The following MGAT4A variants were observed in gnomAD, a reference collection of about 807,000 sequenced individuals.
MGAT4A encodes the protein N-acetylglucosaminyltransferase IVa.
MGAT4A carries 33 observed loss-of-function variants against 74.1 expected under a neutral mutation model. The ratio of observed to expected loss-of-function variants is 0.45; its 90% CI spans 0.34 to 0.60. The LOEUF (loss-of-function observed/expected upper bound fraction) is 0.60. MGAT4A is among the 20% of genes least tolerant of loss of function. MGAT4A has a pLI of 0.02. For missense variants in MGAT4A, 479 were observed against 628.3 expected, an observed-to-expected ratio of 0.76 and a Z score of 2.54; for synonymous variants, 198 against 210.4, an observed-to-expected ratio of 0.94 and a Z score of 0.51.
intron 2 of MGAT4A, among the ~76,000 whole-genome samples, chr2:98,706,223 C>T (rs1030341912): frequency 6.6e-6 from 1 of 151,976 alleles, no homozygotes; most frequent in African/African-American, 2.4e-5. Flanking sequence ...TAGACAATAG[C>T]CAGTTTGGAT....
Position 98,621,564 on chromosome 2 carries a change from A to C in MGAT4A, c.*4002T>G. On this transcript the variant is annotated 3_prime_UTR_variant, in exon 16 of 16. Coordinates refer to ENST00000393487, the MANE Select transcript of MGAT4A (RefSeq NM_012214.3). Reference sequence around the variant, plus strand: ...CCCCAGACAGTCTTCCTTTTGCTACATAACATGATATAATCATGGATCAAA... The same window carrying C: ...CCCCAGACAGTCTTCCTTTTGCTACCTAACATGATATAATCATGGATCAAA... 1 of 1,548,894 alleles carries C rather than the reference A, an allele frequency of 6.5e-7. No homozygotes were observed. Among genetic ancestry groups the C allele is most frequent in the Admixed American group, 2.0e-5 (1 of 50,772 alleles).
intron 14 of MGAT4A, among the ~76,000 whole-genome samples, chr2:98,633,422 T>A (rs1266518110): frequency 6.6e-6 from 1 of 152,168 alleles, no homozygotes; most frequent in Non-Finnish European, 1.5e-5. Flanking sequence ...CATGAATAAA[T>A]GTTGCTCCAT....
At chr2:98,723,910 T>C (rs1702722905) in intron 2 of MGAT4A, among the ~76,000 whole-genome samples, 1 of 152,212 alleles carries the variant, frequency 6.6e-6, no homozygotes, top group South Asian at 2.1e-4. Flanking sequence ...ACTTAACATA[T>C]GACCTTGGTA....
chr2:98,686,618 C>G (rs902415008), intron 2 of MGAT4A, among the ~76,000 whole-genome samples: 18 of 151,774 alleles, frequency 1.2e-4, no homozygotes, highest in Admixed American at 9.2e-4. Context: ...ATGATCTCAG[C>G]CCACTGCAAT....
In MGAT4A at chr2:98,726,431, T is replaced by A; in HGVS notation, c.-99A>T. ...GTCAACTGAATGCAGTACTCCTGGC[T>A]CTAGGCCAATAAAAATCAATAAGAG... On this transcript the variant is annotated 5_prime_UTR_variant, in exon 2 of 16. Coordinates refer to ENST00000393487, the MANE Select transcript of MGAT4A (RefSeq NM_012214.3). The A allele has an allele frequency of 3.4e-6, 3 of 875,508 alleles. No individual in the cohort carries two copies. The highest frequency in any genetic ancestry group is 3.5e-6 in the Non-Finnish European group (2 of 569,204). 54.2% of individuals were successfully genotyped at this position (875,508 alleles called of 1,614,324 possible). A position where few individuals can be genotyped will look rare whatever the true frequency, so the allele number is the denominator to read the frequency against.
intron 14 of MGAT4A, among the ~76,000 whole-genome samples, chr2:98,633,049 C>T (rs577638189): frequency 1.3e-5 from 2 of 152,332 alleles, no homozygotes; most frequent in East Asian, 1.9e-4. Context: ...TGAGCCACTG[C>T]GCCCAGCCAA....
At chr2:98,663,894 G>T (rs916406669) in intron 4 of MGAT4A, among the ~76,000 whole-genome samples, 1 of 152,062 alleles carries the variant, frequency 6.6e-6, no homozygotes, top group Non-Finnish European at 1.5e-5. Context: ...GGTCATGTAG[G>T]GACACTGGGT....
chr2:98,633,717 T>G (rs1356816796), intron 14 of MGAT4A, among the ~76,000 whole-genome samples: 2 of 152,218 alleles, frequency 1.3e-5, no homozygotes, highest in Non-Finnish European at 2.9e-5. Flanking sequence ...GATGGTCATT[T>G]TCTTCAATTA....
chr2:98,630,976 C>A (rs900197624), intron 14 of MGAT4A, among the ~76,000 whole-genome samples: 1 of 152,210 alleles, frequency 6.6e-6, no homozygotes, highest in East Asian at 1.9e-4. Flanking sequence ...GTGACTGGAA[C>A]CCCACACTCC....
At chr2:98,626,479 C>A (rs1324186368) in intron 14 of MGAT4A, among the ~76,000 whole-genome samples, 1 of 151,944 alleles carries the variant, frequency 6.6e-6, no homozygotes, top group Non-Finnish European at 1.5e-5. Flanking sequence ...ATCTTAAAAC[C>A]AAAAAATGTC....
rs1701068022 is a variant in MGAT4A, at chr2:98,622,043, A to G, written c.*3523T>C. The G allele has an allele frequency of 1.0e-6, 1 of 985,708 alleles. No homozygotes were observed. Among genetic ancestry groups the G allele is most frequent in the South Asian group, 4.7e-5 (1 of 21,298 alleles). The allele number at this position is 985,708 out of a possible 1,614,324, so 61.1% of individuals were successfully genotyped here. ...CTGTTCTGACTACACAGTATGGTACAGCGCGTGATGTGGAGAATGCATGAG... is the reference window on the plus strand; with the variant it reads ...CTGTTCTGACTACACAGTATGGTACGGCGCGTGATGTGGAGAATGCATGAG... On this transcript the variant is annotated 3_prime_UTR_variant, in exon 16 of 16. Transcript: ENST00000393487.
At chr2:98,663,404 A>C in intron 4 of MGAT4A, 1 of 1,503,046 alleles carries the variant, frequency 6.7e-7, no homozygotes, top group Non-Finnish European at 8.9e-7. Flanking sequence ...GATAAAAATG[A>C]AAGACATTAA....
intron 4 of MGAT4A, chr2:98,663,431 T>C: frequency 6.7e-7 from 1 of 1,493,734 alleles, no homozygotes; most frequent in Non-Finnish European, 8.9e-7. Context: ...CACTAAAAAA[T>C]GAATGGCTGC....
At chr2:98,697,080 A>G (rs1352804151) in intron 2 of MGAT4A, among the ~76,000 whole-genome samples, 3 of 152,216 alleles carry the variant, frequency 2.0e-5, no homozygotes, top group Non-Finnish European at 4.4e-5. Context: ...TACATGGAAT[A>G]AAGTGGACAT....
At chr2:98,730,968 C>T (rs1233883579) in intron 1 of MGAT4A, 80 bp downstream of exon 1, 1 of 146,804 alleles carries the variant, frequency 6.8e-6, no homozygotes, top group Non-Finnish European at 1.5e-5. Context: ...GCGCCGCCCC[C>T]AACTCCCGCG....
chr2:98,633,028 G>A (rs1198886608), intron 14 of MGAT4A, among the ~76,000 whole-genome samples: 2 of 152,218 alleles, frequency 1.3e-5, no homozygotes, highest in Non-Finnish European at 2.9e-5. Flanking sequence ...AAAGTGCTGA[G>A]ATTACAGGCA....
chr2:98,658,311 A>T (rs768924616), intron 5 of MGAT4A, 47 bp from the exon 6 acceptor site: 1 of 1,123,674 alleles, frequency 8.9e-7, no homozygotes, highest in Non-Finnish European at 1.3e-6. Flanking sequence ...TTATATTTTT[A>T]TTTAACTGTT....
At chr2:98,650,563 C>A (rs1701561409) in intron 8 of MGAT4A, among the ~76,000 whole-genome samples, 1 of 152,124 alleles carries the variant, frequency 6.6e-6, no homozygotes, top group Admixed American at 6.5e-5. Context: ...TTATTATAGG[C>A]TAGAAGAGGG....
intron 2 of MGAT4A, among the ~76,000 whole-genome samples, chr2:98,678,852 A>T (rs1338617756): frequency 6.6e-6 from 1 of 152,200 alleles, no homozygotes; most frequent in African/African-American, 2.4e-5. Context: ...CATCAACCAG[A>T]TAGAGAGATG....
Sources: gnomAD v4.1 joint callset for allele counts (sites outside exome capture counted in the v4.1 genomes callset) on GRCh38, gnomAD v4.1.1 for gene constraint, MANE v1.5 for transcripts, NCBI Gene and HGNC (gene_info 2026-07-23, HGNC 2026-07-21) for gene names.